Variants in ATG5 observed in about 807,000 individuals in gnomAD.
The protein encoded by ATG5 is autophagy related 5.
ATG5 carries 14 observed loss-of-function variants against 36.5 expected under a neutral mutation model. The observed-to-expected ratio is 0.38, with a 90% CI of 0.25 to 0.60. ATG5 has a LOEUF of 0.60. ATG5 is among the 20% of genes least tolerant of loss of function. ATG5 has a pLI of 0.60. For synonymous variants in ATG5, 95 were observed against 101.5 expected, an observed-to-expected ratio of 0.94 and a Z score of 0.38; for missense variants, 195 against 326.7, an observed-to-expected ratio of 0.60 and a Z score of 3.11.
chr6:106,325,566 T>C lies in ATG5; in HGVS notation c.-99A>G, dbSNP rs1038249473. The C allele has an allele frequency of 2.0e-5, 3 of 152,920 alleles. No individual in the cohort carries two copies. Among genetic ancestry groups the C allele is most frequent in the Non-Finnish European group, 4.4e-5 (3 of 68,274 alleles). The allele number at this position is 152,920 out of a possible 1,614,324, so 9.5% of individuals were successfully genotyped here. ...GGCTCCTCCTTCCGGCTCCCCGCAC[T>C]GGTGGGGACGCCCAGATTCCGCGCT... On this transcript the variant is annotated 5_prime_UTR_variant, in exon 1 of 8. Coordinates refer to ENST00000369076, the MANE Select transcript of ATG5 (RefSeq NM_004849.4).
chr6:106,269,324 A>T (rs1178355025), intron 5 of ATG5, among the ~76,000 whole-genome samples: 1 of 152,210 alleles, frequency 6.6e-6, no homozygotes, highest in Non-Finnish European at 1.5e-5. Context: ...AAGGTTCTCC[A>T]CGTCCCCACC....
chr6:106,248,805 G>C (rs1030678715), intron 5 of ATG5, among the ~76,000 whole-genome samples: 3 of 152,130 alleles, frequency 2.0e-5, no homozygotes, highest in Non-Finnish European at 4.4e-5. Context: ...AGGCGTGGTG[G>C]TGCATGCCTG....
In ATG5 at chr6:106,186,225, G is replaced by A. The variant is rs1775762156; in HGVS notation, c.*315C>T. ...TTTGTTAATCAGAAATACAAATCGA[G>A]TGGCACATACTTCCATTTTCTTCTT... On this transcript the variant is annotated 3_prime_UTR_variant, in exon 8 of 8. Coordinates refer to ENST00000369076, the MANE Select transcript of ATG5 (RefSeq NM_004849.4). The A allele has an allele frequency of 3.9e-6, 1 of 257,060 alleles. No homozygotes were observed. The highest frequency in any genetic ancestry group is 2.2e-5 in the African/African-American group (1 of 45,290). The allele number at this position is 257,060 out of a possible 1,614,324, so 15.9% of individuals were successfully genotyped here.
chr6:106,261,152 G>A (rs1371929690), intron 5 of ATG5, among the ~76,000 whole-genome samples: 7 of 152,200 alleles, frequency 4.6e-5, no homozygotes, highest in Admixed American at 4.6e-4. Context: ...GATAGATCAA[G>A]TGAGCTAGAG....
At chr6:106,204,471 A>G (rs964133616) in intron 6 of ATG5, among the ~76,000 whole-genome samples, 1 of 152,222 alleles carries the variant, frequency 6.6e-6, no homozygotes, top group African/African-American at 2.4e-5. Flanking sequence ...ATTTTTAAAA[A>G]TATGATTGAT....
intron 6 of ATG5, among the ~76,000 whole-genome samples, chr6:106,239,625 T>C (rs1369200281): frequency 6.6e-6 from 1 of 152,192 alleles, no homozygotes; most frequent in Non-Finnish European, 1.5e-5. Flanking sequence ...ACTGATGTAA[T>C]GAATAAAGAA....
At chr6:106,248,473 T>C (rs1196993155) in intron 5 of ATG5, among the ~76,000 whole-genome samples, 1 of 152,244 alleles carries the variant, frequency 6.6e-6, no homozygotes, top group African/African-American at 2.4e-5. Flanking sequence ...AGCCATTTTT[T>C]TCTCATAAGA....
chr6:106,214,716 T>TC (rs1776975745), intron 6 of ATG5, among the ~76,000 whole-genome samples: 1 of 152,210 alleles, frequency 6.6e-6, no homozygotes, highest in South Asian at 2.1e-4. Flanking sequence ...ACACTTTGTT[T>TC]CCTCTTCGTA....
chr6:106,271,976 C>A (rs147876241), intron 5 of ATG5, among the ~76,000 whole-genome samples: 18 of 152,326 alleles, frequency 1.2e-4, no homozygotes, highest in African/African-American at 3.8e-4. Flanking sequence ...TATGCATGAT[C>A]TCCTAAACTG....
chr6:106,322,275 T>C (rs1407233825), intron 1 of ATG5, among the ~76,000 whole-genome samples: 2 of 152,190 alleles, frequency 1.3e-5, no homozygotes, highest in African/African-American at 4.8e-5. Context: ...AACAATATAA[T>C]GCATAATAGT....
In ATG5 at chr6:106,186,266, G is replaced by C. The variant is rs950029861; in HGVS notation, c.*274C>G. 2 of 358,024 alleles carry C rather than the reference G, an allele frequency of 5.6e-6. No homozygotes were observed. Among genetic ancestry groups the C allele is most frequent in the African/African-American group, 4.2e-5 (2 of 47,980 alleles). The allele number at this position is 358,024 out of a possible 1,614,324, so 22.2% of individuals were successfully genotyped here. A position where few individuals can be genotyped will look rare whatever the true frequency, so the allele number is the denominator to read the frequency against. ...TTTTCTTCTTAGGCCAAAGGTTTCA[G>C]CTTCATTATATTTTACAGAAGACCT... On this transcript the variant is annotated 3_prime_UTR_variant, in exon 8 of 8. Coordinates refer to ENST00000369076, the MANE Select transcript of ATG5 (RefSeq NM_004849.4).
intron 6 of ATG5, among the ~76,000 whole-genome samples, chr6:106,220,755 T>A (rs1436001444): frequency 6.6e-6 from 1 of 151,982 alleles, no homozygotes; most frequent in African/African-American, 2.4e-5. Flanking sequence ...AAATCACTTA[T>A]GAGAAGAACA....
At position 106,299,350 on chromosome 6, in the gene ATG5, G is replaced by A. The variant is rs576537802; in HGVS notation, c.237-6244C>T. The stretch of plus-strand genomic sequence containing the variant: ...TTTTTGTGATTTCATTTTTATTGTT[G>A]TATTATTATTAGTTATTGCTTTTTT... On this transcript the variant is annotated intron_variant, in intron 3 of 7. Coordinates refer to ENST00000369076, the MANE Select transcript of ATG5 (RefSeq NM_004849.4). Among the ~76,000 whole-genome samples, 3 of 152,184 alleles carry A rather than the reference G, an allele frequency of 2.0e-5. No individual in the cohort carries two copies. The East Asian group carries it at 5.8e-4, about 29-fold the overall frequency.
intron 7 of ATG5, among the ~76,000 whole-genome samples, chr6:106,198,171 T>G (rs1776276268): frequency 1.3e-5 from 2 of 152,206 alleles, no homozygotes; most frequent in Admixed American, 1.3e-4. Context: ...TCAGAAGTTA[T>G]GAGTTACTAA....
At position 106,316,038 on chromosome 6, in the gene ATG5, C is replaced by A. The variant is rs925601412; in HGVS notation, c.108+63G>T. 3.7e-5 allele frequency: 51 copies of A among 1,371,442 alleles called. No homozygotes were observed. The East Asian group carries it at 1.1e-3, about 29-fold the overall frequency. The allele number at this position is 1,371,442 out of a possible 1,614,324, so 85.0% of individuals were successfully genotyped here. On this transcript the variant is annotated intron_variant, in intron 2 of 7. Coordinates refer to ENST00000369076, the MANE Select transcript of ATG5 (RefSeq NM_004849.4). ...TTACATAATGGCCTCCAAGTTCTTA[C>A]AGCTTTTTCTTACAAAAATGGACAA...
intron 7 of ATG5, among the ~76,000 whole-genome samples, chr6:106,199,431 C>T (rs1340256277): frequency 6.6e-6 from 1 of 152,102 alleles, no homozygotes; most frequent in East Asian, 1.9e-4. Context: ...AACTCAAATA[C>T]ATAATGTTAA....
intron 5 of ATG5, among the ~76,000 whole-genome samples, chr6:106,268,703 A>G (rs1779321427): frequency 2.0e-5 from 3 of 152,352 alleles, no homozygotes; most frequent in Admixed American, 1.3e-4. Flanking sequence ...GCCATAAAAA[A>G]GAATGATTTT....
chr6:106,232,854 C>T (rs776541688), intron 6 of ATG5, among the ~76,000 whole-genome samples: 1 of 152,126 alleles, frequency 6.6e-6, no homozygotes, highest in African/African-American at 2.4e-5. Flanking sequence ...CTTAAGGATG[C>T]CTTTTTCTGC....
chr6:106,218,590 T>G (rs1391697395), intron 6 of ATG5, among the ~76,000 whole-genome samples: 1 of 152,134 alleles, frequency 6.6e-6, no homozygotes, highest in East Asian at 1.9e-4. Context: ...AAAATCAGAG[T>G]TCAAGTTACA....
Sources: allele counts gnomAD v4.1 joint callset (sites outside exome capture counted in the v4.1 genomes callset), GRCh38; gene constraint gnomAD v4.1.1; transcripts MANE v1.5; gene names NCBI Gene and HGNC (gene_info 2026-07-23, HGNC 2026-07-21).